The following MARCHF1 variants were observed in gnomAD, a reference collection of about 807,000 sequenced individuals.
MARCHF1 encodes E3 ubiquitin-protein ligase MARCHF1.
Under a neutral mutation model 54.2 loss-of-function variants are expected in MARCHF1, and 40 were observed. The ratio of observed to expected loss-of-function variants is 0.74; its 90% CI spans 0.57 to 0.96. The LOEUF is 0.96. Among genes scored for constraint, MARCHF1 ranks in the 40% least tolerant of loss-of-function variants. The pLI, the probability that MARCHF1 is intolerant of heterozygous loss-of-function variation, is 0.00. For synonymous variants in MARCHF1, 236 were observed against 236.3 expected, an observed-to-expected ratio of 1.00 and a Z score of 0.01; for missense variants, 586 against 656.5, an observed-to-expected ratio of 0.89 and a Z score of 1.17.
At chr4:164,034,104 T>TAGATAGATAGATAGACAGAC (rs1553971748) in intron 2 of MARCHF1, among the ~76,000 whole-genome samples, 1 of 141,666 alleles carries the variant, frequency 7.1e-6, no homozygotes, top group Non-Finnish European at 1.5e-5. Flanking sequence ...GATAGATAGA[T>TAGATAGATAGATAGACAGAC]AGATAGATAG....
intron 3 of MARCHF1, among the ~76,000 whole-genome samples, chr4:163,905,679 T>C (rs1415130954): frequency 2.6e-5 from 4 of 152,072 alleles, no homozygotes; most frequent in Non-Finnish European, 4.4e-5. Context: ...ACCTGTGTTA[T>C]TGTTTTATCT....
At chr4:163,731,014 C>A (rs1448243014) in intron 4 of MARCHF1, among the ~76,000 whole-genome samples, 2 of 151,998 alleles carry the variant, frequency 1.3e-5, no homozygotes, top group Admixed American at 6.5e-5. Context: ...CCTATATATA[C>A]TTATTTGTGG....
intron 3 of MARCHF1, among the ~76,000 whole-genome samples, chr4:163,940,886 T>C (rs1182688052): frequency 2.0e-5 from 3 of 152,124 alleles, no homozygotes; most frequent in Non-Finnish European, 4.4e-5. Context: ...GATAAACATA[T>C]AAAGTTTGGA....
intron 1 of MARCHF1, among the ~76,000 whole-genome samples, chr4:164,248,855 A>G (rs1733039854): frequency 1.3e-5 from 2 of 151,964 alleles, no homozygotes; most frequent in African/African-American, 4.8e-5. Flanking sequence ...AAAACACTAT[A>G]CTGTTTCATA....
At chr4:163,947,255 T>C (rs934277539) in intron 3 of MARCHF1, among the ~76,000 whole-genome samples, 4 of 152,202 alleles carry the variant, frequency 2.6e-5, no homozygotes, top group African/African-American at 9.6e-5. Context: ...TTTGTTATTT[T>C]TTCCAGGTCC....
chr4:164,062,367 C>T (rs1754636826), intron 2 of MARCHF1, among the ~76,000 whole-genome samples: 1 of 151,902 alleles, frequency 6.6e-6, no homozygotes, highest in Non-Finnish European at 1.5e-5. Context: ...TGTTAATGTT[C>T]ATATTTTGAC....
chr4:164,172,976 G>A (rs1232074210), intron 1 of MARCHF1, among the ~76,000 whole-genome samples: 5 of 52,348 alleles, frequency 9.6e-5, no homozygotes, highest in South Asian at 5.4e-4. Context: ...GCGAGACTCC[G>A]TCTCAAAAAA....
chr4:163,697,495 C>A (rs1316065134), intron 5 of MARCHF1, among the ~76,000 whole-genome samples: 1 of 152,184 alleles, frequency 6.6e-6, no homozygotes, highest in Non-Finnish European at 1.5e-5. Context: ...TAAATTATTA[C>A]TCCATAATTC....
intron 2 of MARCHF1, among the ~76,000 whole-genome samples, chr4:164,002,042 T>A (rs185964572): frequency 6.6e-6 from 1 of 151,674 alleles, no homozygotes; most frequent in East Asian, 1.9e-4. Flanking sequence ...TTCTAGACCC[T>A]CCCTAAATAA....
chr4:164,075,500 C>G (rs1214006451), intron 2 of MARCHF1, among the ~76,000 whole-genome samples: 2 of 152,178 alleles, frequency 1.3e-5, no homozygotes, highest in African/African-American at 2.4e-5. Context: ...GGAGCAGAGC[C>G]AGATCAGCAT....
chr4:163,942,996 T>A (rs967775786), intron 3 of MARCHF1, among the ~76,000 whole-genome samples: 7 of 152,226 alleles, frequency 4.6e-5, no homozygotes, highest in African/African-American at 1.7e-4. Context: ...CATGTATGTC[T>A]TCTTTTGAAA....
intron 4 of MARCHF1, among the ~76,000 whole-genome samples, chr4:163,819,675 G>C (rs1245793123): frequency 2.0e-5 from 3 of 152,068 alleles, no homozygotes; most frequent in Non-Finnish European, 4.4e-5. Flanking sequence ...ACTTTACAAA[G>C]AAAATAGAGG....
At chr4:164,224,063 C>T (rs1732184416) in intron 1 of MARCHF1, among the ~76,000 whole-genome samples, 1 of 150,666 alleles carries the variant, frequency 6.6e-6, no homozygotes, top group Non-Finnish European at 1.5e-5. Flanking sequence ...ATACACTATC[C>T]TCTAGTCCAA....
chr4:164,316,901 A>G (rs368082869), intron 1 of MARCHF1, among the ~76,000 whole-genome samples: 15 of 152,176 alleles, frequency 9.9e-5, no homozygotes, highest in East Asian at 1.9e-4. Context: ...AGATGTGCCT[A>G]TTTCCCTTAC....
chr4:164,031,301 A>G (rs1225472971), intron 2 of MARCHF1, among the ~76,000 whole-genome samples: 1 of 151,990 alleles, frequency 6.6e-6, no homozygotes, highest in African/African-American at 2.4e-5. Flanking sequence ...GTATTATCTG[A>G]TGGTAGTTTG....
At chr4:163,692,959 T>C (rs990519397) in intron 5 of MARCHF1, among the ~76,000 whole-genome samples, 1 of 151,530 alleles carries the variant, frequency 6.6e-6, no homozygotes, top group Admixed American at 6.6e-5. Flanking sequence ...ATATTTGTCA[T>C]AAATGTGGAT....
chr4:163,863,559 A>G (rs1749986988), intron 3 of MARCHF1, among the ~76,000 whole-genome samples: 4 of 152,082 alleles, frequency 2.6e-5, no homozygotes. Flanking sequence ...ATATGAACTC[A>G]TGTTTAGTTT....
chr4:163,770,541 CACACACACACACACACACACACAA>C (rs1222891663), intron 4 of MARCHF1, among the ~76,000 whole-genome samples: 14 of 150,400 alleles, frequency 9.3e-5, no homozygotes, highest in African/African-American at 3.5e-4. Context: ...CACACACACA[CACACACACACACACACACACACAA>C]ACACACACAC....
chr4:163,957,793 G>A (rs527361751), intron 3 of MARCHF1, among the ~76,000 whole-genome samples: 1 of 152,036 alleles, frequency 6.6e-6, no homozygotes, highest in South Asian at 2.1e-4. Context: ...TGTATATCAT[G>A]AATCTAACCA....
Sources: allele counts gnomAD v4.1 joint callset (sites outside exome capture counted in the v4.1 genomes callset), GRCh38; gene constraint gnomAD v4.1.1; transcripts MANE v1.5; gene names NCBI Gene and HGNC (gene_info 2026-07-23, HGNC 2026-07-21).